Variants in ITFG1 observed in about 807,000 individuals in gnomAD.
The protein encoded by ITFG1 is integrin alpha FG-GAP repeat containing 1.
A neutral mutation model predicts 81.8 loss-of-function variants in ITFG1; 34 were observed. That is an observed-to-expected ratio of 0.42 (90% CI 0.32 to 0.55). ITFG1 has a LOEUF of 0.55. Among genes scored for constraint, ITFG1 ranks in the 20% least tolerant of loss-of-function variants. The probability of loss-of-function intolerance (pLI) is 0.17; values close to 1 mark genes in which losing one functional copy is unlikely to be tolerated. For missense variants in ITFG1, 672 were observed against 755.4 expected, an observed-to-expected ratio of 0.89 and a Z score of 1.29; for synonymous variants, 285 against 270.6, an observed-to-expected ratio of 1.05 and a Z score of -0.52.
At chr16:47,318,258 C>A (rs558954047) in intron 8 of ITFG1, among the ~76,000 whole-genome samples, 1 of 152,272 alleles carries the variant, frequency 6.6e-6, no homozygotes, top group Non-Finnish European at 1.5e-5. Context: ...GTACTCCACA[C>A]ATTTTCTGGC....
At chr16:47,304,350 T>C (rs1967125208) in intron 10 of ITFG1, among the ~76,000 whole-genome samples, 1 of 152,128 alleles carries the variant, frequency 6.6e-6, no homozygotes. Flanking sequence ...TTTTATAAAT[T>C]TACAGGTACA....
chr16:47,283,681 C>T (rs1167914695), intron 10 of ITFG1, among the ~76,000 whole-genome samples: 1 of 152,196 alleles, frequency 6.6e-6, no homozygotes, highest in East Asian at 1.9e-4. Context: ...AACACTTCGA[C>T]TTTAGCCCAG....
intron 7 of ITFG1, among the ~76,000 whole-genome samples, chr16:47,373,237 A>G (rs1968280830): frequency 6.6e-6 from 1 of 152,014 alleles, no homozygotes; most frequent in African/African-American, 2.4e-5. Flanking sequence ...CTCACTTCCA[A>G]ATCACTAAAA....
At position 47,454,038 on chromosome 16, in the gene ITFG1, G is replaced by A; in HGVS notation, c.402C>T (p.Ile134=). The change falls in exon 3 of 18, where the codon ATC becomes ATT. Residue 134 remains isoleucine, a synonymous_variant. Coordinates refer to ENST00000320640, the MANE Select transcript of ITFG1 (RefSeq NM_030790.5). The stretch of plus-strand genomic sequence containing the variant: ...CTAATGTTTGATTTTGTCCCCAGAA[G>A]ATAACAGCTCCTAATTCACTCTTGG... ...NYAKSELGAV[I]FWGQNQTLDP... 4 of 1,606,978 alleles carry A rather than the reference G, an allele frequency of 2.5e-6. No homozygotes were observed. The highest frequency in any genetic ancestry group is 1.3e-5 in the African/African-American group (1 of 74,748).
rs957454922 is a variant in ITFG1 at position 47,254,380 on chromosome 16, A to T, written c.1330+4252T>A. The stretch of plus-strand genomic sequence containing the variant: ...CTGAGAACTGCCTACTCTCTTTAGC[A>T]TATTATTATTATTATTATTATTATT... On this transcript the variant is annotated intron_variant, in intron 12 of 17. Coordinates refer to ENST00000320640, the MANE Select transcript of ITFG1 (RefSeq NM_030790.5). Among the ~76,000 whole-genome samples, 7 of 150,894 alleles carry T rather than the reference A, an allele frequency of 4.6e-5. No homozygotes were observed. In the East Asian group the frequency reaches 1.4e-3, roughly 29 times the overall value.
At chr16:47,180,846 C>T (rs1360084596) in intron 14 of ITFG1, among the ~76,000 whole-genome samples, 1 of 151,192 alleles carries the variant, frequency 6.6e-6, no homozygotes, top group Non-Finnish European at 1.5e-5. Context: ...GGCCGCCCAT[C>T]GTCTGGGATG....
intron 8 of ITFG1, among the ~76,000 whole-genome samples, chr16:47,336,494 T>C (rs183203298): frequency 2.0e-5 from 3 of 152,308 alleles, no homozygotes; most frequent in Admixed American, 2.0e-4. Flanking sequence ...AGGGACTATC[T>C]GGAAGATGGA....
At chr16:47,220,418 T>G (rs1965677605) in intron 13 of ITFG1, among the ~76,000 whole-genome samples, 1 of 152,094 alleles carries the variant, frequency 6.6e-6, no homozygotes, top group Non-Finnish European at 1.5e-5. Context: ...GGTATTTAGC[T>G]AACTAACGTT....
At chr16:47,301,241 A>G (rs1171343415) in intron 10 of ITFG1, among the ~76,000 whole-genome samples, 1 of 152,194 alleles carries the variant, frequency 6.6e-6, no homozygotes, top group Non-Finnish European at 1.5e-5. Context: ...ATTTTCACTG[A>G]GAGACAATGG....
chr16:47,189,156 TC>T (rs2151516884), intron 14 of ITFG1, among the ~76,000 whole-genome samples: 1 of 152,320 alleles, frequency 6.6e-6, no homozygotes, highest in South Asian at 2.1e-4. Context: ...TCAGCCTACT[TC>T]CCAGTTATAC....
intron 16 of ITFG1, among the ~76,000 whole-genome samples, chr16:47,159,577 T>C (rs1449320507): frequency 1.3e-5 from 2 of 152,164 alleles, no homozygotes; most frequent in Non-Finnish European, 2.9e-5. Context: ...AGTCCCTCAC[T>C]GTTAATGGCA....
chr16:47,352,531 T>C (rs1334700326), intron 8 of ITFG1, among the ~76,000 whole-genome samples: 9 of 152,152 alleles, frequency 5.9e-5, no homozygotes, highest in Admixed American at 5.9e-4. Flanking sequence ...CCAGTTAGAA[T>C]GGCGATCATT....
intron 14 of ITFG1, among the ~76,000 whole-genome samples, chr16:47,176,680 A>C (rs1425023891): frequency 2.6e-5 from 4 of 152,156 alleles, no homozygotes; most frequent in African/African-American, 7.2e-5. Context: ...GCTATTTCCT[A>C]ATCAATGTGT....
At position 47,359,757 on chromosome 16, in the gene ITFG1, C is replaced by A. The variant is rs549789231; in HGVS notation, c.802+6031G>T. On this transcript the variant is annotated intron_variant, in intron 8 of 17. Transcript: ENST00000320640. ...TGTTCCGTCTGCATGGAGCATTTTC[C>A]CCAAAAACCTTCTACAACTTCACTC... Among the ~76,000 whole-genome samples, 25 of 152,278 alleles carry A rather than the reference C, an allele frequency of 1.6e-4. No individual in the cohort carries two copies. The South Asian group carries it at 4.8e-3, about 29-fold the overall frequency.
At chr16:47,461,075 C>A, upstream of ITFG1, 1 of 1,495,742 alleles carries the variant, frequency 6.7e-7, no homozygotes, top group Non-Finnish European at 8.9e-7. Context: ...CCCGCCGGCC[C>A]AACGCCGCGC....
intron 14 of ITFG1, among the ~76,000 whole-genome samples, chr16:47,197,479 T>C (rs1401302000): frequency 6.6e-6 from 1 of 152,256 alleles, no homozygotes; most frequent in Non-Finnish European, 1.5e-5. Context: ...ATGTATATCT[T>C]ACATGTATTG....
At chr16:47,354,859 T>C (rs1166444032) in intron 8 of ITFG1, among the ~76,000 whole-genome samples, 2 of 152,196 alleles carry the variant, frequency 1.3e-5, no homozygotes, top group South Asian at 2.1e-4. Flanking sequence ...CACCTCACTC[T>C]AGTTAGAGTG....
At chr16:47,233,939 CA>C (rs1267731419) in intron 13 of ITFG1, among the ~76,000 whole-genome samples, 1 of 152,160 alleles carries the variant, frequency 6.6e-6, no homozygotes, top group Non-Finnish European at 1.5e-5. Flanking sequence ...GAGACAAAAA[CA>C]AGGACACTAG....
At position 47,171,255 on chromosome 16, in the gene ITFG1, G is replaced by A. The variant is rs534665002; in HGVS notation, c.1454-8591C>T. ...ACTCCTGGCCTCAAGCATTCTTCAT[G>A]CTTTGGCCTCTCAAAGTGTTGGGAT... On this transcript the variant is annotated intron_variant, in intron 14 of 17. Coordinates refer to ENST00000320640, the MANE Select transcript of ITFG1 (RefSeq NM_030790.5). 2.0e-4 allele frequency among the ~76,000 whole-genome samples: 31 copies of A among 151,786 alleles called. 2 individuals carry two copies. The South Asian group carries it at 6.0e-3, about 30-fold the overall frequency.
Sources: allele counts gnomAD v4.1 joint callset (sites outside exome capture counted in the v4.1 genomes callset), GRCh38; gene constraint gnomAD v4.1.1; transcripts MANE v1.5; gene names NCBI Gene and HGNC (gene_info 2026-07-23, HGNC 2026-07-21).